PDXDC1: variants seen among roughly 807,000 people sequenced by gnomAD.
The protein encoded by PDXDC1 is pyridoxal dependent decarboxylase domain containing 1, also known as pyridoxal-dependent decarboxylase domain-containing protein 1.
In PDXDC1, 42 loss-of-function variants were observed where a neutral mutation model predicts 100.1. That is an observed-to-expected ratio of 0.42 (90% confidence interval 0.33 to 0.54). The LOEUF (loss-of-function observed/expected upper bound fraction) is 0.54, where lower values mean the gene tolerates loss of function less well. Among genes scored for constraint, PDXDC1 ranks in the 20% least tolerant of loss-of-function variants. The pLI, the probability that PDXDC1 is intolerant of heterozygous loss-of-function variation, is 0.10. For missense variants in PDXDC1, 636 were observed against 979.2 expected (o/e 0.65, Z 4.68); for synonymous variants, 260 against 371.7 (o/e 0.70, Z 3.46).
intron 16 of PDXDC1, among the ~76,000 whole-genome samples, chr16:15,058,326 T>C (rs2044597010): frequency 6.6e-6 from 1 of 151,848 alleles, no homozygotes; most frequent in Admixed American, 6.6e-5. Flanking sequence ...AAAGCACTAA[T>C]TACAATGTTG....
chr16:15,039,919 T>A, downstream of PDXDC1: 1 of 1,065,528 alleles, frequency 9.4e-7, no homozygotes, highest in East Asian at 2.4e-5. Flanking sequence ...GCCTTGACAT[T>A]TGATGCCTTT....
intron 16 of PDXDC1, among the ~76,000 whole-genome samples, chr16:15,086,655 ACT>A (rs1354593296): frequency 6.6e-6 from 1 of 152,214 alleles, no homozygotes; most frequent in African/African-American, 2.4e-5. Context: ...TAATCTAGTA[ACT>A]CTAATACACA....
intron 1 of PDXDC1, 114 bp from the exon 2 acceptor site, chr16:14,997,637 CAT>C (rs1167008723): frequency 8.5e-7 from 1 of 1,173,988 alleles, no homozygotes; most frequent in African/African-American, 1.6e-5. Context: ...GTTTTAAAAT[CAT>C]GTATTTCACA....
At chr16:15,151,959 G>A in the PDXDC1 span, among the ~76,000 whole-genome samples, 2 of 142,274 alleles carry the variant, frequency 1.4e-5, no homozygotes, top group African/African-American at 2.5e-5. Flanking sequence ...AAAAACACAT[G>A]GGTCAGGAGG....
At position 15,031,894 on chromosome 16, in the gene PDXDC1, TA is replaced by T; in HGVS notation, c.1560del (p.Ile520MetfsTer16). 6.2e-7 allele frequency: 1 copy of T among 1,609,142 alleles called. No individual in the cohort carries two copies. Among genetic ancestry groups the T allele is most frequent in the Non-Finnish European group, 8.5e-7 (1 of 1,177,216 alleles). ...LYVDDPNWSGIGVVRYEHAND... is the reference protein window; with the variant it reads ...LYVDDPNWSGXGVVRYEHAND... ...GTTGATGACCCTAACTGGTCTGGAA[TA>T]GGGGTTGTCAGGTAAAGTCTTGGCC... On this transcript the variant is annotated frameshift_variant, in exon 17 of 23. Transcript: ENST00000396410. LOFTEE classifies it high-confidence loss of function.
At chr16:15,078,152 C>T (rs1466695592) in intron 16 of PDXDC1, among the ~76,000 whole-genome samples, 1 of 152,202 alleles carries the variant, frequency 6.6e-6, no homozygotes, top group Non-Finnish European at 1.5e-5. Context: ...CAGAGAAAGA[C>T]TATAAAGAGT....
At chr16:15,031,386 G>A (rs994819484) in intron 16 of PDXDC1, among the ~76,000 whole-genome samples, 1 of 152,138 alleles carries the variant, frequency 6.6e-6, no homozygotes, top group Non-Finnish European at 1.5e-5. Context: ...TCAGTCATAG[G>A]AATGTACAGA....
At position 15,091,258 on chromosome 16, in the gene PDXDC1, C is replaced by A; in HGVS notation, c.1400-47621C>A. On this transcript the variant is annotated intron_variant, in intron 16 of 16. Coordinates refer to the PDXDC1 transcript ENST00000535621. ...GACAGAATGGGACCCAAAGAGCAAA[C>A]TATGTCTGTATACAGTGGCAATAAT... The A allele has an allele frequency of 2.5e-6, 4 of 1,599,538 alleles. No homozygotes were observed. In the South Asian group the frequency reaches 4.5e-5, roughly 18 times the overall value.
At chr16:15,139,678 G>C (rs1168458976), downstream of PDXDC1, among the ~76,000 whole-genome samples, 1 of 152,098 alleles carries the variant, frequency 6.6e-6, no homozygotes, top group African/African-American at 2.4e-5. Flanking sequence ...CTACTCGGGG[G>C]GCTGAGGAAG....
intron 12 of PDXDC1, among the ~76,000 whole-genome samples, chr16:15,020,111 C>CAAAAA (rs56353637): frequency 6.6e-5 from 6 of 90,616 alleles, no homozygotes; most frequent in Admixed American, 1.3e-4. Context: ...GGCTCCGTCT[C>CAAAAA]AAAAAAAAAA....
chr16:14,993,287 C>T (rs1215652651), intron 1 of PDXDC1, among the ~76,000 whole-genome samples: 4 of 148,362 alleles, frequency 2.7e-5, no homozygotes, highest in Admixed American at 1.4e-4. Flanking sequence ...TGCTATCCCT[C>T]CTCCCTCCCC....
At chr16:15,053,951 A>G (rs2044398272) in intron 16 of PDXDC1, among the ~76,000 whole-genome samples, 1 of 151,972 alleles carries the variant, frequency 6.6e-6, no homozygotes, top group East Asian at 1.9e-4. Flanking sequence ...AAAAAACCCA[A>G]CCTTTAATGT....
At chr16:15,054,093 C>T (rs1657667158) in intron 16 of PDXDC1, among the ~76,000 whole-genome samples, 1 of 152,204 alleles carries the variant, frequency 6.6e-6, no homozygotes, top group African/African-American at 2.4e-5. Context: ...AGAAACTGGC[C>T]AGGACACCCA....
intron 16 of PDXDC1, among the ~76,000 whole-genome samples, chr16:15,048,967 C>T (rs1315960097): frequency 2.0e-5 from 3 of 149,248 alleles, no homozygotes; most frequent in East Asian, 4.0e-4. Context: ...CTATGCTGCC[C>T]AGGCTGGTCT....
At chr16:15,108,248 TG>T in intron 16 of PDXDC1, 1 of 888,388 alleles carries the variant, frequency 1.1e-6, no homozygotes, top group Non-Finnish European at 1.3e-6. Context: ...ACTTGATTCA[TG>T]GTCCTGATCC....
chr16:15,076,226 A>T (rs1157265612), intron 16 of PDXDC1, among the ~76,000 whole-genome samples: 1 of 152,214 alleles, frequency 6.6e-6, no homozygotes, highest in East Asian at 1.9e-4. Context: ...TATAAAGTGT[A>T]CAAGTGGTAA....
intron 16 of PDXDC1, among the ~76,000 whole-genome samples, chr16:15,132,505 T>G (rs1326831023): frequency 1.3e-5 from 2 of 149,804 alleles, no homozygotes; most frequent in East Asian, 4.0e-4. Flanking sequence ...GGCCCCTCTT[T>G]ACACCCTGGG....
At chr16:15,039,796 C>G (rs1363966992), downstream of PDXDC1, among the ~76,000 whole-genome samples, 3 of 152,184 alleles carry the variant, frequency 2.0e-5, no homozygotes, top group African/African-American at 7.2e-5. Flanking sequence ...ATGTTCATTA[C>G]TATTTTGAGA....
In PDXDC1 at chr16:15,124,634, C is replaced by T. The variant is rs3883144; in HGVS notation, c.1400-14245C>T. On this transcript the variant is annotated intron_variant, in intron 16 of 16. Transcript: ENST00000535621. ...ATAAAATACAAAAATTAGCCGGGTGCGGTGGTGGGCGCCTGTAGTCCCACC... is the reference window on the plus strand; with the variant it reads ...ATAAAATACAAAAATTAGCCGGGTGTGGTGGTGGGCGCCTGTAGTCCCACC... Among the ~76,000 whole-genome samples, 1,258 of 143,074 alleles carry T rather than the reference C, an allele frequency of 8.8e-3. 6 individuals carry two copies. The highest frequency in any genetic ancestry group is 0.014 in the Non-Finnish European group (867 of 62,552). 93.9% of individuals were successfully genotyped at this position (143,074 alleles called of 152,430 possible).
Sources: allele counts gnomAD v4.1 joint callset (sites outside exome capture counted in the v4.1 genomes callset), GRCh38; gene constraint gnomAD v4.1.1; transcripts MANE v1.5; gene names NCBI Gene and HGNC (gene_info 2026-07-23, HGNC 2026-07-21).